Variants in LRRC71 observed in about 807,000 individuals in gnomAD.
The protein encoded by LRRC71 is leucine rich repeat containing 71, also known as leucine-rich repeat-containing protein 71.
In LRRC71, 54 loss-of-function variants were observed where a neutral mutation model predicts 66.6. The ratio of observed to expected loss-of-function variants is 0.81; its 90% CI spans 0.65 to 1.02. LRRC71 has a LOEUF of 1.02. Among genes scored for constraint, LRRC71 ranks in the 50% least tolerant of loss-of-function variants. LRRC71 has a pLI of 0.00. For missense variants in LRRC71, 724 were observed against 718.0 expected (o/e 1.01, Z -0.10); for synonymous variants, 323 against 303.9 (o/e 1.06, Z -0.65).
rs2101644979 is a variant in LRRC71, at chr1:156,929,668, T to C, written c.1179T>C (p.Ser393=). ...ELAKKEEKLG[S]GQSPTQGTPK... ...CCAAGAAAGAGGAGAAGTTGGGGTC[T>C]GGGCAGTCACCCACACAAGGAACCC... The change falls in exon 11 of 15, where the codon TCT becomes TCC. Residue 393 remains serine (S), a synonymous_variant. Coordinates refer to ENST00000337428, the MANE Select transcript of LRRC71 (RefSeq NM_144702.3). The C allele has an allele frequency of 6.3e-7, 1 of 1,587,402 alleles. No homozygotes were observed.
intron 1 of LRRC71, 95 bp from the exon 2 acceptor site, chr1:156,923,854 T>G: frequency 2.4e-6 from 3 of 1,270,136 alleles, no homozygotes; most frequent in Non-Finnish European, 3.2e-6. Context: ...TGCAAAAATA[T>G]CCGTCTGAGG....
At chr1:156,935,483 C>G (rs1654885702), downstream of LRRC71, 1 of 152,304 alleles carries the variant, frequency 6.6e-6, no homozygotes, top group Non-Finnish European at 1.5e-5. Flanking sequence ...GGAACAGGAA[C>G]AAAAAAGGTC....
At chr1:156,928,441 T>TTCC (rs1362768295) in intron 9 of LRRC71, among the ~76,000 whole-genome samples, 2,491 of 64,668 alleles carry the variant, frequency 0.039, 56 homozygotes, top group East Asian at 0.14. Flanking sequence ...CTTCTTCCTC[T>TTCC]TCCTCCTCCT....
the LRRC71 span, chr1:156,940,133 G>A: frequency 1.3e-6 from 2 of 1,481,828 alleles, no homozygotes; most frequent in Non-Finnish European, 1.8e-6. Flanking sequence ...GGTGGAGGGT[G>A]CAGGCGCCTG....
At position 156,927,768 on chromosome 1, in the gene LRRC71, C is replaced by T; in HGVS notation, c.858C>T (p.Ser286=). The change falls in exon 8 of 15, where the codon TCC becomes TCT. Residue 286 remains serine (S), a synonymous_variant. Coordinates refer to ENST00000337428, the MANE Select transcript of LRRC71 (RefSeq NM_144702.3). ...TGAACCGTTCCCTGCTCTGGCTGTC[C>T]CTGGCCCACAACCGCATCCAGGACA... ...LRLNRSLLWL[S]LAHNRIQDKG... The T allele has an allele frequency of 6.2e-7, 1 of 1,611,980 alleles. No individual in the cohort carries two copies. The highest frequency in any genetic ancestry group is 8.5e-7 in the Non-Finnish European group (1 of 1,179,742).
chr1:156,930,474 C>T, intron 11 of LRRC71, 55 bp from the exon 12 acceptor site: 6 of 1,465,548 alleles, frequency 4.1e-6, no homozygotes, highest in Non-Finnish European at 5.6e-6. Context: ...GGGGAGGGAG[C>T]CTGGGTGGTA....
chr1:156,929,293 G>A lies in LRRC71; in HGVS notation c.1010G>A (p.Arg337Gln), dbSNP rs755189599. The change falls in exon 10 of 15, where the codon CGA (arginine) becomes CAA (glutamine). Residue 337 changes from arginine (R) to glutamine (Q), a missense_variant. Arg to Gln is a conservative substitution (Grantham distance 43). Coordinates refer to ENST00000337428, the MANE Select transcript of LRRC71 (RefSeq NM_144702.3). Reference sequence around the variant, plus strand: ...TTGTGAGCACAGCCCTCCTCCTCTCGACACGGGGACTCCAAAACGGACCGT... The same window carrying A: ...TTGTGAGCACAGCCCTCCTCCTCTCAACACGGGGACTCCAAAACGGACCGT... ...QERSRSPSSSRHGDSKTDREK... is the reference protein window; with the variant it reads ...QERSRSPSSSQHGDSKTDREK... The A allele has an allele frequency of 1.1e-5, 18 of 1,605,192 alleles. No homozygotes were observed. Among genetic ancestry groups the A allele is most frequent in the Admixed American group, 1.0e-4 (6 of 58,576 alleles).
intron 11 of LRRC71, among the ~76,000 whole-genome samples, chr1:156,930,060 T>TTCTTTCTTTTTCTTTCTTTCTTTTTTTC (rs746194831): frequency 2.4e-5 from 3 of 126,234 alleles, no homozygotes; most frequent in East Asian, 4.9e-4. Flanking sequence ...CTTTCTTTCT[T>TTCTTTCTTTTTCTTTCTTTCTTTTTTTC]TTTCTTTCTT....
downstream of LRRC71, chr1:156,937,161 C>T: frequency 6.3e-7 from 1 of 1,588,050 alleles, no homozygotes; most frequent in Non-Finnish European, 8.6e-7. Flanking sequence ...ATCTAGGGCT[C>T]CCGCGAAGAC....
At chr1:156,928,563 CTTTTT>C (rs58180096) in intron 9 of LRRC71, among the ~76,000 whole-genome samples, 16,275 of 79,762 alleles carry the variant, frequency 0.2, 1,179 homozygotes, top group East Asian at 0.35. Flanking sequence ...CTTCTTCTTA[CTTTTT>C]TTTTTTTTTT....
intron 1 of LRRC71, among the ~76,000 whole-genome samples, chr1:156,921,901 C>T (rs1050880269): frequency 1.3e-5 from 2 of 152,088 alleles, no homozygotes; most frequent in Admixed American, 6.6e-5. Context: ...AGTTAGGCTC[C>T]TCAGAGAAAC....
chr1:156,938,606 G>T, the LRRC71 span: 1 of 1,173,892 alleles, frequency 8.5e-7, no homozygotes, highest in Non-Finnish European at 1.2e-6. Flanking sequence ...GGCAGGAGGT[G>T]GGGACAGGGG....
chr1:156,928,113 C>T, intron 9 of LRRC71, 109 bp downstream of exon 9: 2 of 1,055,056 alleles, frequency 1.9e-6, no homozygotes, highest in Non-Finnish European at 2.8e-6. Context: ...TAATCTCCAC[C>T]CTCTGTCCTG....
At chr1:156,935,655 T>A (rs542040923), downstream of LRRC71, 4 of 228,570 alleles carry the variant, frequency 1.8e-5, no homozygotes, top group East Asian at 3.5e-4. Context: ...TCCTTTCACT[T>A]GCATGTCTGA....
chr1:156,930,032 T>TTCTTTCTCTTTCTTTCTTTC (rs1187267457), intron 11 of LRRC71, among the ~76,000 whole-genome samples: 1 of 120,016 alleles, frequency 8.3e-6, no homozygotes, highest in African/African-American at 3.8e-5. Flanking sequence ...TTTCTTTTCT[T>TTCTTTCTCTTTCTTTCTTTC]TTTCTTTCTT....
At position 156,929,384 on chromosome 1, in the gene LRRC71, A is replaced by C; in HGVS notation, c.1101A>C (p.Thr367=). ...ALVDKTDKTQ[T]MKTPKGLGKK... is the part of the protein sequence containing the mutation. The stretch of plus-strand genomic sequence containing the variant: ...TGGACAAGACAGACAAGACGCAGAC[A>C]ATGAAAACCCCTAAGGGCCTGGGCA... The change falls in exon 10 of 15, where the codon ACA becomes ACC. Residue 367 remains threonine (T), a synonymous_variant. Transcript: ENST00000337428. The C allele has an allele frequency of 6.2e-7, 1 of 1,613,888 alleles. No homozygotes were observed. Among genetic ancestry groups the C allele is most frequent in the Non-Finnish European group, 8.5e-7 (1 of 1,179,866 alleles).
At chr1:156,928,346 T>C (rs2101629105) in intron 9 of LRRC71, among the ~76,000 whole-genome samples, 1 of 151,792 alleles carries the variant, frequency 6.6e-6, no homozygotes, top group African/African-American at 2.4e-5. Flanking sequence ...CTTTCTTCTT[T>C]CTTTCTCTTC....
chr1:156,928,039 G>GC (rs746699455), intron 9 of LRRC71, 35 bp downstream of exon 9: 2 of 1,556,364 alleles, frequency 1.3e-6, no homozygotes, highest in Non-Finnish European at 1.7e-6. Flanking sequence ...CCAGCCGAGA[G>GC]CCCCTCTGAC....
At chr1:156,939,752 G>A in the LRRC71 span, 7 of 1,613,884 alleles carry the variant, frequency 4.3e-6, 1 homozygote, top group Middle Eastern at 4.9e-4. Context: ...TCACCCCCAG[G>A]GGGTGCTTGC....
Sources: gnomAD v4.1 joint callset for allele counts (sites outside exome capture counted in the v4.1 genomes callset) on GRCh38, gnomAD v4.1.1 for gene constraint, MANE v1.5 for transcripts, NCBI Gene and HGNC (gene_info 2026-07-23, HGNC 2026-07-21) for gene names.